TOP1MT: variants seen among roughly 807,000 people sequenced by gnomAD.
TOP1MT encodes the protein DNA topoisomerase I, mitochondrial.
In TOP1MT, 80 loss-of-function variants were observed where a neutral mutation model predicts 73.9. The observed-to-expected ratio is 1.08, with a 90% CI of 0.90 to 1.30. The LOEUF is 1.30. Among genes scored for constraint, TOP1MT ranks in the 50% most tolerant of loss-of-function variants. TOP1MT has a pLI of 0.00. For synonymous variants in TOP1MT, 338 were observed against 326.4 expected (o/e 1.04, Z -0.38); for missense variants, 815 against 808.0 (o/e 1.01, Z -0.10).
upstream of TOP1MT, among the ~76,000 whole-genome samples, chr8:143,345,174 C>T (rs72701741): frequency 0.21 from 32,292 of 152,130 alleles, 4,143 homozygotes; most frequent in Middle Eastern, 0.29. Context: ...TCCCAGTCCC[C>T]GGACACAGAC....
At chr8:143,318,522 C>T (rs772958650) in intron 8 of TOP1MT, among the ~76,000 whole-genome samples, 4 of 152,330 alleles carry the variant, frequency 2.6e-5, no homozygotes, top group Non-Finnish European at 5.9e-5. Context: ...CATTAATTCC[C>T]TTCTGGAAAG....
At chr8:143,321,906 A>C (rs1586758077) in intron 7 of TOP1MT, among the ~76,000 whole-genome samples, 4 of 98,840 alleles carry the variant, frequency 4.0e-5, no homozygotes, top group Non-Finnish European at 8.2e-5. Context: ...CACGCCACAC[A>C]CACAGGCACG....
chr8:143,358,991 G>GT (rs982170295), upstream of TOP1MT, among the ~76,000 whole-genome samples: 47 of 143,712 alleles, frequency 3.3e-4, no homozygotes, highest in Non-Finnish European at 4.9e-4. Context: ...TAAGTAAAGC[G>GT]TTTTTTTTGT....
chr8:143,319,390 G>A (rs1050904145), intron 8 of TOP1MT, among the ~76,000 whole-genome samples: 4 of 151,998 alleles, frequency 2.6e-5, no homozygotes, highest in Non-Finnish European at 4.4e-5. Flanking sequence ...CAACTCCTGG[G>A]CTCCAGCAAC....
chr8:143,325,832 G>A (rs1045358918), intron 4 of TOP1MT, among the ~76,000 whole-genome samples: 1 of 152,186 alleles, frequency 6.6e-6, no homozygotes, highest in Non-Finnish European at 1.5e-5. Flanking sequence ...GCCCGCCATG[G>A]AGGAGGAGGG....
At chr8:143,326,161 C>T in intron 4 of TOP1MT, 61 bp downstream of exon 4, 1 of 1,595,418 alleles carries the variant, frequency 6.3e-7, no homozygotes, top group Non-Finnish European at 8.5e-7. Flanking sequence ...GTCTTTGGGC[C>T]AGGCCGGCCT....
intron 7 of TOP1MT, among the ~76,000 whole-genome samples, chr8:143,322,655 C>G (rs1816502763): frequency 1.0e-5 from 1 of 97,506 alleles, no homozygotes; most frequent in Non-Finnish European, 2.0e-5. Context: ...ACACGCACAC[C>G]ACACACGCAC....
At chr8:143,349,365 C>A (rs529211314), upstream of TOP1MT, among the ~76,000 whole-genome samples, 1 of 146,618 alleles carries the variant, frequency 6.8e-6, no homozygotes, top group African/African-American at 2.5e-5. Context: ...AACCTTACAA[C>A]CGGGTGTACC....
Position 143,321,189 on chromosome 8 carries a change from G to A in TOP1MT, c.1146+12C>T, listed in dbSNP as rs973089219. On this transcript the variant is annotated intron_variant, in intron 8 of 13. Transcript: ENST00000329245. Reference sequence around the variant, plus strand: ...GTCACATAGCGGGGGCAGCTGGCGCGAGGGCACTCACCGGCTTCTCCACCG... The same window carrying A: ...GTCACATAGCGGGGGCAGCTGGCGCAAGGGCACTCACCGGCTTCTCCACCG... 1.3e-5 allele frequency: 20 copies of A among 1,578,540 alleles called. No homozygotes were observed. The highest frequency in any genetic ancestry group is 3.5e-5 in the Admixed American group (2 of 56,812).
upstream of TOP1MT, chr8:143,359,329 G>A (rs1489902450): frequency 1.0e-6 from 1 of 985,432 alleles, no homozygotes; most frequent in Non-Finnish European, 1.2e-6. Context: ...CACCACGCCA[G>A]GAGAAGAGAA....
intron 1 of TOP1MT, 61 bp from the exon 2 acceptor site, chr8:143,331,400 C>T (rs1251531174): frequency 1.4e-5 from 20 of 1,428,650 alleles, no homozygotes; most frequent in African/African-American, 4.2e-5. Context: ...GCCTCTTCCC[C>T]GCTCCCACAG....
intron 5 of TOP1MT, 41 bp from the exon 6 acceptor site, chr8:143,324,670 A>G: frequency 6.3e-7 from 1 of 1,597,016 alleles, no homozygotes; most frequent in Non-Finnish European, 8.5e-7. Flanking sequence ...TGGAGACCTT[A>G]TTCTCTGGAA....
upstream of TOP1MT, among the ~76,000 whole-genome samples, chr8:143,356,950 T>C (rs6558359): frequency 0.11 from 17,136 of 150,582 alleles, 3,307 homozygotes; most frequent in African/African-American, 0.39. Context: ...AAAAATTAGA[T>C]GGGTGTGGTG....
chr8:143,355,619 G>A (rs933216276), intron 1 of TOP1MT, among the ~76,000 whole-genome samples: 1 of 152,158 alleles, frequency 6.6e-6, no homozygotes, highest in African/African-American at 2.4e-5. Context: ...CTGACAAGAT[G>A]ATTTATCTAA....
chr8:143,342,794 T>TTA (rs1187086705), intron 2 of TOP1MT, among the ~76,000 whole-genome samples: 1 of 148,978 alleles, frequency 6.7e-6, no homozygotes, highest in African/African-American at 2.4e-5. Flanking sequence ...ATTATTATTA[T>TTA]TATTATTAGA....
At chr8:143,345,141 A>G (rs911334484), upstream of TOP1MT, among the ~76,000 whole-genome samples, 8 of 152,206 alleles carry the variant, frequency 5.3e-5, no homozygotes, top group Non-Finnish European at 1.2e-4. Flanking sequence ...AAGAGTATGC[A>G]TGGGAGACTC....
intron 2 of TOP1MT, 22 bp downstream of exon 2, chr8:143,331,202 G>C: frequency 6.4e-7 from 1 of 1,571,868 alleles, no homozygotes; most frequent in Non-Finnish European, 8.7e-7. Context: ...GGCTGGGGAG[G>C]AGCCGCTCCC....
chr8:143,351,366 A>G (rs185649966), intron 1 of TOP1MT, among the ~76,000 whole-genome samples: 1 of 152,226 alleles, frequency 6.6e-6, no homozygotes, highest in East Asian at 1.9e-4. Flanking sequence ...TGAGGTCAGG[A>G]GTTCAAGACC....
chr8:143,309,840 T>TC (rs1464467536), intron 13 of TOP1MT: 2 of 1,534,650 alleles, frequency 1.3e-6, no homozygotes, highest in Admixed American at 3.9e-5. Context: ...TGCCTCCGAG[T>TC]CCCAGGCCAC....
Sources: gnomAD v4.1 joint callset for allele counts (sites outside exome capture counted in the v4.1 genomes callset) on GRCh38, gnomAD v4.1.1 for gene constraint, MANE v1.5 for transcripts, NCBI Gene and HGNC (gene_info 2026-07-23, HGNC 2026-07-21) for gene names.